The following KREMEN2 variants were observed in gnomAD, a reference collection of about 807,000 sequenced individuals.
KREMEN2 encodes kremen protein 2.
A neutral mutation model predicts 49.8 loss-of-function variants in KREMEN2; 43 were observed. The observed-to-expected ratio is 0.86, with a 90% CI of 0.68 to 1.11. The LOEUF (loss-of-function observed/expected upper bound fraction) is 1.11, where lower values mean the gene tolerates loss of function less well. KREMEN2 is among the 50% of genes most tolerant of loss of function. The pLI, the probability that KREMEN2 is intolerant of heterozygous loss-of-function variation, is 0.00. For synonymous variants in KREMEN2, 355 were observed against 304.9 expected, an observed-to-expected ratio of 1.16 and a Z score of -1.71; for missense variants, 686 against 665.7, an observed-to-expected ratio of 1.03 and a Z score of -0.34.
Position 2,964,366 on chromosome 16 carries a change from T to G in KREMEN2, c.-155T>G. ...GGGAGGCAAAGACCCCCAGGAGAGA[T>G]TTACCCACCCCAGACGGAAAGCGCG... On this transcript the variant is annotated 5_prime_UTR_variant, in exon 1 of 9. Coordinates refer to ENST00000303746, the MANE Select transcript of KREMEN2 (RefSeq NM_172229.3). 3.6e-6 allele frequency: 2 copies of G among 558,780 alleles called. No individual in the cohort carries two copies. Among genetic ancestry groups the G allele is most frequent in the Admixed American group, 3.4e-5 (1 of 29,790 alleles). The allele number at this position is 558,780 out of a possible 1,614,324, so 34.6% of individuals were successfully genotyped here.
rs775946448 is a variant in KREMEN2 at position 2,966,603 on chromosome 16, C to T, written c.487-39C>T. On this transcript the variant is annotated intron_variant, in intron 4 of 8. Coordinates refer to ENST00000303746, the MANE Select transcript of KREMEN2 (RefSeq NM_172229.3). The surrounding 1 kb of genome is among the most constrained non-coding windows in gnomAD (Gnocchi z 8.4). ...AGGCCCCCACCACTTCACCCCTACC[C>T]CAGCCCCTGCCCTGGGGTCACCCAG... 3.1e-6 allele frequency: 5 copies of T among 1,595,424 alleles called. No homozygotes were observed. In the Admixed American group the frequency reaches 6.9e-5, roughly 22 times the overall value.
Position 2,966,180 on chromosome 16 carries a change from GA to G in KREMEN2, c.311del (p.Glu104GlyfsTer55). On this transcript the variant is annotated frameshift_variant, in exon 3 of 9. Transcript: ENST00000303746. LOFTEE classifies it high-confidence loss of function. This position sits in a 1 kb window ranked among gnomAD's most constrained non-coding sequence, Gnocchi z 8.4. ...CGTGCAGCCGTGGTGCTACGTGGCT[GA>G]GACAGAGGAGGGCATCTACTGGCGC... ...GDVQPWCYVA[E>X]TEEGIYWRYC... 6.2e-7 allele frequency: 1 copy of G among 1,612,744 alleles called. No homozygotes were observed. Among genetic ancestry groups the G allele is most frequent in the South Asian group, 1.1e-5 (1 of 91,046 alleles).
Position 2,967,033 on chromosome 16 carries a change from C to A in KREMEN2, c.764C>A (p.Ala255Glu), listed in dbSNP as rs1361405675. ...CSWALGPPGAALELTFRLFEL... is the reference protein window; with the variant it reads ...CSWALGPPGAELELTFRLFEL... The stretch of plus-strand genomic sequence containing the variant: ...TGGGCCCTGGGCCCGCCAGGCGCCG[C>A]GCTGGAGCTCACCTTCCGCCTCTTC... The change falls in exon 6 of 9, where the codon GCG becomes GAG. Residue 255 changes from alanine to glutamate, a missense_variant. Ala to Glu is a moderately radical substitution (Grantham distance 107). Coordinates refer to ENST00000303746, the MANE Select transcript of KREMEN2 (RefSeq NM_172229.3). 4 of 1,543,366 alleles carry A rather than the reference C, an allele frequency of 2.6e-6. No homozygotes were observed. Among genetic ancestry groups the A allele is most frequent in the East Asian group, 2.5e-5 (1 of 40,502 alleles).
Position 2,968,354 on chromosome 16 carries a change from A to G in KREMEN2, c.*334A>G. 6.5e-7 allele frequency: 1 copy of G among 1,535,450 alleles called. No homozygotes were observed. The highest frequency in any genetic ancestry group is 2.4e-5 in the East Asian group (1 of 40,912). On this transcript the variant is annotated 3_prime_UTR_variant, in exon 9 of 9. Coordinates refer to ENST00000303746, the MANE Select transcript of KREMEN2 (RefSeq NM_172229.3). ...AAAAACAGTCAAAAAACCCCCACAG[A>G]TTTTGAATAAAGGATCTACTTTGGT...
Position 2,966,617 on chromosome 16 carries a change from G to A in KREMEN2, c.487-25G>A, listed in dbSNP as rs116329428. The A allele has an allele frequency of 1.8e-3, 2,914 of 1,604,830 alleles. 46 individuals are homozygous for A. The African/African-American group carries it at 0.035, about 19-fold the overall frequency. On this transcript the variant is annotated intron_variant, in intron 4 of 8. Transcript: ENST00000303746. This position sits in a 1 kb window ranked among gnomAD's most constrained non-coding sequence, Gnocchi z 8.4. ...TCACCCCTACCCCAGCCCCTGCCCT[G>A]GGGTCACCCAGTCTGTGCTCCCAGC... is the stretch of plus-strand genomic sequence containing the variant.
chr16:2,965,292 G>A (rs532104182), intron 2 of KREMEN2, among the ~76,000 whole-genome samples: 1 of 152,142 alleles, frequency 6.6e-6, no homozygotes, highest in South Asian at 2.1e-4. Context: ...AAACGGACCT[G>A]GGCACTCAAA....
chr16:2,967,350 C>T lies in KREMEN2; in HGVS notation c.1004C>T (p.Ala335Val), dbSNP rs1010999982. 132 of 1,409,248 alleles carry T rather than the reference C, an allele frequency of 9.4e-5. No homozygotes were observed. Among genetic ancestry groups the T allele is most frequent in the Non-Finnish European group, 1.0e-4 (114 of 1,092,894 alleles). 87.3% of individuals were successfully genotyped at this position (1,409,248 alleles called of 1,614,324 possible). The change falls in exon 7 of 9, where the codon GCC (alanine) becomes GTC (valine). Residue 335 changes from alanine to valine, a missense_variant. Physicochemically the swap from Ala to Val is moderately conservative, Grantham distance 64. Coordinates refer to ENST00000303746, the MANE Select transcript of KREMEN2 (RefSeq NM_172229.3). ...GLQDAAEDPE[A>V]PEGSAQTPAA... is the part of the protein sequence containing the mutation. ...CAGGACGCCGCTGAGGACCCAGAGG[C>T]CCCCGAGGGCTCGGCCCAGACCCCC...
rs930216843 is a variant in KREMEN2 at position 2,966,871 on chromosome 16, C to T, written c.641-39C>T. 1.9e-6 allele frequency: 3 copies of T among 1,566,042 alleles called. No individual in the cohort carries two copies. The highest frequency in any genetic ancestry group is 2.7e-5 in the African/African-American group (2 of 74,188). On this transcript the variant is annotated intron_variant, in intron 5 of 8. Transcript: ENST00000303746. The surrounding 1 kb of genome is among the most constrained non-coding windows in gnomAD (Gnocchi z 8.4). ...TGGCCGGGCAGGGGAGCCGCCGTGTCCTGGTCCTCAGGATGCTGACTGCCG... is the reference window on the plus strand; with the variant it reads ...TGGCCGGGCAGGGGAGCCGCCGTGTTCTGGTCCTCAGGATGCTGACTGCCG...
At position 2,967,373 on chromosome 16, in the gene KREMEN2, C is replaced by T. The variant is rs184096403; in HGVS notation, c.1027C>T (p.Pro343Ser). The change falls in exon 7 of 9, where the codon CCC (proline) becomes TCC (serine). Residue 343 changes from proline (P) to serine (S), a missense_variant. By Grantham distance (74) the Pro-to-Ser change is moderately conservative (BLOSUM62 -1). Transcript: ENST00000303746. Reference sequence around the variant, plus strand: ...GGCCCCCGAGGGCTCGGCCCAGACCCCCGCGGCGCCCCTCGACGGGGCCAA... The same window carrying T: ...GGCCCCCGAGGGCTCGGCCCAGACCTCCGCGGCGCCCCTCGACGGGGCCAA... The part of the protein sequence containing the change: ...PEAPEGSAQT[P>S]AAPLDGANVS... The T allele has an allele frequency of 1.8e-3, 2,497 of 1,403,178 alleles. 44 individuals are homozygous for T. The African/African-American group carries it at 0.035, about 20-fold the overall frequency. 86.9% of individuals were successfully genotyped at this position (1,403,178 alleles called of 1,614,324 possible). A position where few individuals can be genotyped will look rare whatever the true frequency, so the allele number is the denominator to read the frequency against.
In KREMEN2 at chr16:2,966,809, G is replaced by A. The variant is rs753665592; in HGVS notation, c.640+14G>A. The stretch of plus-strand genomic sequence containing the variant: ...GCGTCTATGAAGGTGAGGAGTGGGC[G>A]GGGACCAGGGGCCTGGGCGGGCCTC... On this transcript the variant is annotated intron_variant, in intron 5 of 8. Transcript: ENST00000303746. The surrounding 1 kb of genome is among the most constrained non-coding windows in gnomAD (Gnocchi z 8.4). The A allele has an allele frequency of 3.1e-6, 5 of 1,608,364 alleles. No individual in the cohort carries two copies. The highest frequency in any genetic ancestry group is 1.7e-5 in the Admixed American group (1 of 59,704).
chr16:2,964,455 C>T lies in KREMEN2; in HGVS notation c.-66C>T. The T allele has an allele frequency of 1.6e-6, 2 of 1,247,224 alleles. No individual in the cohort carries two copies. Among genetic ancestry groups the T allele is most frequent in the Non-Finnish European group, 2.2e-6 (2 of 901,650 alleles). The allele number at this position is 1,247,224 out of a possible 1,614,324, so 77.3% of individuals were successfully genotyped here. On this transcript the variant is annotated 5_prime_UTR_variant, in exon 1 of 9. Coordinates refer to ENST00000303746, the MANE Select transcript of KREMEN2 (RefSeq NM_172229.3). ...GCCCCCTAGGTCTCCTGGGAGACCCCGAAGCGACCCCGGGGGCAGCCCGGG... is the reference window on the plus strand; with the variant it reads ...GCCCCCTAGGTCTCCTGGGAGACCCTGAAGCGACCCCGGGGGCAGCCCGGG...
At position 2,964,579 on chromosome 16, in the gene KREMEN2, C is replaced by A; in HGVS notation, c.59C>A (p.Pro20Gln). ...LFLLFLPLLQ[P>Q]RGASAGSLHS... is the part of the protein sequence containing the mutation. ...CTCCTCTTCCTCCCGCTGCTGCAGC[C>A]GCGTGGGGCCTCGGCTGGGAGCCTG... Residue 20 changes from proline to glutamine, a missense_variant, in exon 1 of 9, where the codon CCG becomes CAG. Pro to Gln is a moderately conservative substitution (Grantham distance 76). Transcript: ENST00000303746. 6.2e-7 allele frequency: 1 copy of A among 1,608,372 alleles called. No individual in the cohort carries two copies. Among genetic ancestry groups the A allele is most frequent in the African/African-American group, 1.3e-5 (1 of 74,480 alleles).
In KREMEN2 at chr16:2,967,521, C is replaced by G; in HGVS notation, c.1100-5C>G. ...CCCATCCTCACCGCAGCCGTGTGCC[C>G]GCAGCCCGGGTCTTCTCGACGGTGA... On this transcript the variant is annotated splice_region_variant and splice_polypyrimidine_tract_variant and intron_variant, in intron 7 of 8. Coordinates refer to ENST00000303746, the MANE Select transcript of KREMEN2 (RefSeq NM_172229.3). 6.5e-7 allele frequency: 1 copy of G among 1,530,358 alleles called. No homozygotes were observed. Among genetic ancestry groups the G allele is most frequent in the Non-Finnish European group, 8.7e-7 (1 of 1,144,838 alleles). 94.8% of individuals were successfully genotyped at this position (1,530,358 alleles called of 1,614,324 possible).
chr16:2,965,332 C>G (rs2071797851), intron 2 of KREMEN2, among the ~76,000 whole-genome samples: 1 of 151,858 alleles, frequency 6.6e-6, no homozygotes, highest in Non-Finnish European at 1.5e-5. Context: ...CTGGTCAGAG[C>G]GGGGGCCGAA....
rs1567372763 is a variant in KREMEN2 at position 2,967,007 on chromosome 16, C to G, written c.738C>G (p.Ser246Arg). Reference protein sequence around the residue: ...PDEYGPDRNCSWALGPPGAAL... With the variant: ...PDEYGPDRNCRWALGPPGAAL... ...AGTACGGGCCGGACCGGAACTGCAG[C>G]TGGGCCCTGGGCCCGCCAGGCGCCG... Residue 246 changes from serine to arginine, a missense_variant, in exon 6 of 9, where the codon AGC becomes AGG. Physicochemically the swap from Ser to Arg is moderately radical, Grantham distance 110. Coordinates refer to ENST00000303746, the MANE Select transcript of KREMEN2 (RefSeq NM_172229.3). 1 of 1,548,388 alleles carries G rather than the reference C, an allele frequency of 6.5e-7. No individual in the cohort carries two copies. The highest frequency in any genetic ancestry group is 2.0e-5 in the Admixed American group (1 of 50,938).
Position 2,966,735 on chromosome 16 carries a change from A to G in KREMEN2, c.580A>G (p.Ile194Val), listed in dbSNP as rs2071828721. ...RLAPATDCDQ[I>V]CFGHPGQLCG... Reference sequence around the variant, plus strand: ...GGCCCCCGCCACCGACTGTGACCAGATCTGTTTCGGCCACCCTGGACAGCT... The same window carrying G: ...GGCCCCCGCCACCGACTGTGACCAGGTCTGTTTCGGCCACCCTGGACAGCT... The change falls in exon 5 of 9, where the codon ATC becomes GTC. Residue 194 changes from isoleucine to valine, a missense_variant. Physicochemically the swap from Ile to Val is conservative, Grantham distance 29. Coordinates refer to ENST00000303746, the MANE Select transcript of KREMEN2 (RefSeq NM_172229.3). This position sits in a 1 kb window ranked among gnomAD's most constrained non-coding sequence, Gnocchi z 8.4. 1 of 1,611,996 alleles carries G rather than the reference A, an allele frequency of 6.2e-7. No homozygotes were observed. The highest frequency in any genetic ancestry group is 1.1e-5 in the South Asian group (1 of 91,064).
In KREMEN2 at chr16:2,967,597, C is replaced by T. The variant is rs1011887299; in HGVS notation, c.1171C>T (p.Arg391Cys). 19 of 1,526,168 alleles carry T rather than the reference C, an allele frequency of 1.2e-5. No individual in the cohort carries two copies. The highest frequency in any genetic ancestry group is 1.7e-5 in the Non-Finnish European group (19 of 1,142,532). The allele number at this position is 1,526,168 out of a possible 1,614,324, so 94.5% of individuals were successfully genotyped here. A position where few individuals can be genotyped will look rare whatever the true frequency, so the allele number is the denominator to read the frequency against. The change falls in exon 8 of 9, where the codon CGC (arginine) becomes TGC (cysteine). Residue 391 changes from arginine to cysteine, a missense_variant. Arg to Cys is a radical substitution (Grantham distance 180). Coordinates refer to ENST00000303746, the MANE Select transcript of KREMEN2 (RefSeq NM_172229.3). ...LLLLGLLRPL[R>C]RRSCLLAPGK... is the part of the protein sequence containing the mutation. The stretch of plus-strand genomic sequence containing the variant: ...GCTCCTGGGGCTGCTGCGTCCGCTG[C>T]GCCGACGGTGCGGGGCGCTGGGGCA...
Position 2,968,204 on chromosome 16 carries a change from G to T in KREMEN2, c.*184G>T. ...ATCTGGGACTTGGCCTGACCGTGGG[G>T]GTCCAGATGGTCCAGGCCCTCTCCA... On this transcript the variant is annotated 3_prime_UTR_variant, in exon 9 of 9. Coordinates refer to ENST00000303746, the MANE Select transcript of KREMEN2 (RefSeq NM_172229.3). The T allele has an allele frequency of 2.3e-6, 2 of 868,394 alleles. No individual in the cohort carries two copies. The highest frequency in any genetic ancestry group is 3.6e-6 in the Non-Finnish European group (2 of 555,526). 53.8% of individuals were successfully genotyped at this position (868,394 alleles called of 1,614,324 possible).
intron 2 of KREMEN2, among the ~76,000 whole-genome samples, chr16:2,965,799 G>C (rs1161073744): frequency 6.6e-6 from 1 of 151,536 alleles, no homozygotes; most frequent in Non-Finnish European, 1.5e-5. Context: ...GGGGTTTGAG[G>C]GACGGAAGTG....
Sources: gnomAD v4.1 joint callset for allele counts (sites outside exome capture counted in the v4.1 genomes callset) on GRCh38, gnomAD v4.1.1 for gene constraint, Gnocchi (gnomAD v3.1) non-coding constraint, MANE v1.5 for transcripts, NCBI Gene and HGNC (gene_info 2026-07-23, HGNC 2026-07-21) for gene names.